FIG4: variants seen among roughly 807,000 people sequenced by gnomAD.
FIG4 encodes polyphosphoinositide phosphatase.
FIG4 carries 112 observed loss-of-function variants against 118.6 expected under a neutral mutation model. The observed-to-expected ratio is 0.94, with a 90% confidence interval of 0.81 to 1.11. The LOEUF (loss-of-function observed/expected upper bound fraction) is 1.11. FIG4 is among the 50% of genes least tolerant of loss of function. The probability of loss-of-function intolerance (pLI) is 0.00; values close to 1 mark genes in which losing one functional copy is unlikely to be tolerated. For missense variants in FIG4, 969 were observed against 1,111.7 expected (o/e 0.87, Z 1.83); for synonymous variants, 369 against 381.2 (o/e 0.97, Z 0.37).
chr6:109,699,114 G>A (rs1774823735), intron 1 of FIG4, among the ~76,000 whole-genome samples: 2 of 152,202 alleles, frequency 1.3e-5, no homozygotes, highest in African/African-American at 4.8e-5. Flanking sequence ...TTTGTGGGGT[G>A]AATTTTGATA....
At chr6:109,753,202 T>C (rs1776766933) in intron 10 of FIG4, among the ~76,000 whole-genome samples, 1 of 152,160 alleles carries the variant, frequency 6.6e-6, no homozygotes, top group Non-Finnish European at 1.5e-5. Flanking sequence ...CGACCCTGCT[T>C]AGCTTCCGAG....
At chr6:109,767,428 A>G (rs1777312575) in intron 15 of FIG4, among the ~76,000 whole-genome samples, 1 of 152,208 alleles carries the variant, frequency 6.6e-6, no homozygotes, top group African/African-American at 2.4e-5. Context: ...TTGCCAATAC[A>G]ATAGGTATCA....
intron 1 of FIG4, among the ~76,000 whole-genome samples, chr6:109,711,742 A>G (rs1775270636): frequency 6.6e-6 from 1 of 152,096 alleles, no homozygotes; most frequent in African/African-American, 2.4e-5. Flanking sequence ...GTGCCTTTTA[A>G]ATGGGGTATT....
At chr6:109,726,720 T>G (rs935462131) in intron 3 of FIG4, among the ~76,000 whole-genome samples, 2 of 152,200 alleles carry the variant, frequency 1.3e-5, no homozygotes, top group East Asian at 3.8e-4. Flanking sequence ...TTCACAATAT[T>G]GATTCTTCTT....
At chr6:109,713,081 T>C (rs1775317329) in intron 1 of FIG4, among the ~76,000 whole-genome samples, 1 of 152,186 alleles carries the variant, frequency 6.6e-6, no homozygotes, top group African/African-American at 2.4e-5. Flanking sequence ...GTTCTCTGGC[T>C]CCTCGAGGTT....
chr6:109,706,162 A>C (rs953257820), intron 1 of FIG4, among the ~76,000 whole-genome samples: 9 of 152,250 alleles, frequency 5.9e-5, no homozygotes, highest in Non-Finnish European at 1.0e-4. Context: ...TAGGGGGCAG[A>C]CAAGCCCCAA....
chr6:109,801,568 T>C (rs1352719158), intron 22 of FIG4, among the ~76,000 whole-genome samples: 2 of 151,998 alleles, frequency 1.3e-5, no homozygotes, highest in Non-Finnish European at 2.9e-5. Context: ...TAATAATAAG[T>C]GCGCTTACAG....
intron 20 of FIG4, among the ~76,000 whole-genome samples, chr6:109,792,308 CT>C (rs958676970): frequency 4.5e-4 from 68 of 152,294 alleles, no homozygotes; most frequent in African/African-American, 1.5e-3. Context: ...GCTATCTGGC[CT>C]TTTACAGGAT....
Position 109,760,250 on chromosome 6 carries a change from G to A in FIG4, c.1138G>A (p.Glu380Lys), listed in dbSNP as rs759352095. The A allele has an allele frequency of 6.2e-7, 1 of 1,612,818 alleles. No individual in the cohort carries two copies. The highest frequency in any genetic ancestry group is 8.5e-7 in the Non-Finnish European group (1 of 1,178,888). The change falls in exon 11 of 23, where the codon GAA becomes AAA. Residue 380 changes from glutamate (E) to lysine (K), a missense_variant and splice_region_variant. By Grantham distance (56) the Glu-to-Lys change is moderately conservative. Coordinates refer to ENST00000230124, the MANE Select transcript of FIG4 (RefSeq NM_014845.6). ...TGAAAATGTTTAATTTTTGATAAAG[G>A]AACGAGAGAAAAGAAAGCATGAAAG... Reference protein sequence around the residue: ...SPIIILNLVKEREKRKHERIL... With the variant: ...SPIIILNLVKKREKRKHERIL...
chr6:109,757,243 T>G (rs1776941972), intron 10 of FIG4, among the ~76,000 whole-genome samples: 2 of 152,012 alleles, frequency 1.3e-5, no homozygotes, highest in South Asian at 4.1e-4. Flanking sequence ...TTCTGCTAGC[T>G]TTTGAATTTA....
At chr6:109,760,683 C>T (rs1182257704) in intron 11 of FIG4, among the ~76,000 whole-genome samples, 2 of 152,178 alleles carry the variant, frequency 1.3e-5, no homozygotes, top group African/African-American at 2.4e-5. Context: ...TATTTAAACA[C>T]TTTCTCAGAT....
intron 22 of FIG4, among the ~76,000 whole-genome samples, chr6:109,798,548 G>A (rs1422703785): frequency 6.6e-6 from 1 of 152,182 alleles, no homozygotes; most frequent in Non-Finnish European, 1.5e-5. Flanking sequence ...GGCTGGGGAT[G>A]TAAATGCTCA....
chr6:109,712,973 G>A (rs575457856), intron 1 of FIG4, among the ~76,000 whole-genome samples: 2 of 152,254 alleles, frequency 1.3e-5, no homozygotes, highest in Admixed American at 6.5e-5. Context: ...TCAGTCGACA[G>A]GTATTGTTTC....
intron 1 of FIG4, among the ~76,000 whole-genome samples, chr6:109,699,045 GCTT>G (rs766854710): frequency 2.6e-5 from 4 of 152,104 alleles, no homozygotes; most frequent in Non-Finnish European, 5.9e-5. Context: ...GATTGGTATT[GCTT>G]CTATTTTTCA....
intron 22 of FIG4, among the ~76,000 whole-genome samples, chr6:109,800,978 G>A (rs1778411270): frequency 6.6e-6 from 1 of 152,112 alleles, no homozygotes. Context: ...GTGGGGCCAG[G>A]CAGTGATTCA....
At chr6:109,707,842 T>C (rs1583633360) in intron 1 of FIG4, among the ~76,000 whole-genome samples, 1 of 152,282 alleles carries the variant, frequency 6.6e-6, no homozygotes, top group East Asian at 1.9e-4. Flanking sequence ...TAAAGGACTT[T>C]TTGAAGCGAA....
chr6:109,797,155 G>T (rs1583749878), intron 22 of FIG4, among the ~76,000 whole-genome samples: 1 of 152,134 alleles, frequency 6.6e-6, no homozygotes, highest in African/African-American at 2.4e-5. Flanking sequence ...TGATCCTGGA[G>T]ACATGCTCAA....
At chr6:109,729,010 CTG>C (rs1775902428) in intron 4 of FIG4, among the ~76,000 whole-genome samples, 1 of 151,854 alleles carries the variant, frequency 6.6e-6, no homozygotes, top group Non-Finnish European at 1.5e-5. Context: ...TATAGGTAAA[CTG>C]AAGTAATATT....
rs80241891 is a variant in FIG4 at position 109,734,605 on chromosome 6, C to T, written c.498-545C>T. Among the ~76,000 whole-genome samples the T allele has an allele frequency of 9.9e-5, 15 of 151,816 alleles. No homozygotes were observed. The East Asian group carries it at 2.3e-3, about 24-fold the overall frequency. On this transcript the variant is annotated intron_variant, in intron 5 of 22. Transcript: ENST00000230124. ...TAATGAAATTTAATTTGCACAGAGA[C>T]GGTTATATTTTTGAAATGCCTTTTA...
Sources: allele counts gnomAD v4.1 joint callset (sites outside exome capture counted in the v4.1 genomes callset), GRCh38; gene constraint gnomAD v4.1.1; transcripts MANE v1.5; gene names NCBI Gene and HGNC (gene_info 2026-07-23, HGNC 2026-07-21).